The following ZNF384 variants were observed in gnomAD, a reference collection of about 807,000 sequenced individuals.
The protein encoded by ZNF384 is zinc finger protein 384, also known as CAG repeat protein 1.
ZNF384 carries 20 observed loss-of-function variants against 65.0 expected under a neutral mutation model. That is an observed-to-expected ratio of 0.31 (90% CI 0.22 to 0.45). The LOEUF (loss-of-function observed/expected upper bound fraction) is 0.45, where lower values mean the gene tolerates loss of function less well. Ranked by LOEUF, ZNF384 falls within the 20% of genes least tolerant of loss-of-function variation. The probability of loss-of-function intolerance (pLI) is 1.00; values close to 1 mark genes in which losing one functional copy is unlikely to be tolerated. For synonymous variants in ZNF384, 310 were observed against 303.9 expected, an observed-to-expected ratio of 1.02 and a Z score of -0.21; for missense variants, 549 against 769.4, an observed-to-expected ratio of 0.71 and a Z score of 3.39.
chr12:6,678,414 T>C lies in ZNF384; in HGVS notation c.399A>G (p.Thr133=), dbSNP rs766206128. The stretch of plus-strand genomic sequence containing the variant: ...TGGGGAAGGTCTGAGCTGATGATGC[T>C]GTGGTCACAAGAGAGCCTGAGGGGG... ...ITSPSGSLVT[T]ASSAQTFPIS... is the part of the protein sequence containing the mutation. Residue 133 remains threonine (T), a synonymous_variant, in exon 6 of 12, where the codon ACA becomes ACG. Coordinates refer to ENST00000683879, the MANE Select transcript of ZNF384 (RefSeq NM_001385745.1). The surrounding 1 kb of genome is among the most constrained non-coding windows in gnomAD (Gnocchi z 4.9). The C allele has an allele frequency of 6.2e-7, 1 of 1,606,658 alleles. No individual in the cohort carries two copies. Among genetic ancestry groups the C allele is most frequent in the South Asian group, 1.1e-5 (1 of 90,328 alleles).
chr12:6,669,853 G>C (rs1289930798), intron 10 of ZNF384, among the ~76,000 whole-genome samples: 1 of 152,056 alleles, frequency 6.6e-6, no homozygotes, highest in African/African-American at 2.4e-5. Flanking sequence ...TCTTGAACCT[G>C]GGAAGTTGCA....
chr12:6,666,813 TTA>T lies in ZNF384; in HGVS notation c.*899_*900del, dbSNP rs1412544409. The T allele has an allele frequency of 2.4e-4, 41 of 168,484 alleles. No homozygotes were observed. The highest frequency in any genetic ancestry group is 5.6e-4 in the East Asian group (5 of 8,888). The allele number at this position is 168,484 out of a possible 1,614,324, so 10.4% of individuals were successfully genotyped here. On this transcript the variant is annotated 3_prime_UTR_variant, in exon 12 of 12. Transcript: ENST00000683879. ...GCCGTGATGAGTGAGTATAATATATTTATATATATATATTTATATATAAATCC... is the reference window on the plus strand; with the variant it reads ...GCCGTGATGAGTGAGTATAATATATTTATATATATATTTATATATAAATCC...
chr12:6,667,940 TGC>T lies in ZNF384; in HGVS notation c.1599_1600del (p.Gln534AlafsTer44). ...CTGCTGCTGCTGCTGCTGCTGCTGCTGCTGCTGTGATGCCTGGGAGGCCTGGG... is the reference window on the plus strand; with the variant it reads ...CTGCTGCTGCTGCTGCTGCTGCTGCTTGCTGTGATGCCTGGGAGGCCTGGG... On this transcript the variant is annotated frameshift_variant, in exon 12 of 12. Transcript: ENST00000683879. LOFTEE classifies it high-confidence loss of function. 6.2e-7 allele frequency: 1 copy of T among 1,609,728 alleles called. No homozygotes were observed. The highest frequency in any genetic ancestry group is 8.5e-7 in the Non-Finnish European group (1 of 1,178,420).
chr12:6,678,543 T>A lies in ZNF384; in HGVS notation c.353-83A>T, dbSNP rs775477488. 1.0e-5 allele frequency: 16 copies of A among 1,533,152 alleles called. No homozygotes were observed. The highest frequency in any genetic ancestry group is 1.4e-5 in the Non-Finnish European group (16 of 1,121,096). The allele number at this position is 1,533,152 out of a possible 1,614,324, so 95.0% of individuals were successfully genotyped here. A position where few individuals can be genotyped will look rare whatever the true frequency, so the allele number is the denominator to read the frequency against. On this transcript the variant is annotated intron_variant, in intron 5 of 11. Transcript: ENST00000683879. This position sits in a 1 kb window ranked among gnomAD's most constrained non-coding sequence, Gnocchi z 4.9. ...ATTTCATTTCCCCCAGATCATTGTC[T>A]AATTAACCCCTCACCCCCCCGCCGA...
At chr12:6,689,569 G>A (rs188053808), upstream of ZNF384, 2 of 152,320 alleles carry the variant, frequency 1.3e-5, no homozygotes, top group Non-Finnish European at 2.9e-5. Flanking sequence ...TCACTTCCGG[G>A]AGTGGCTGGA....
At chr12:6,675,381 A>C (rs948315184) in intron 7 of ZNF384, among the ~76,000 whole-genome samples, 6 of 152,240 alleles carry the variant, frequency 3.9e-5, no homozygotes, top group African/African-American at 1.4e-4. Flanking sequence ...TAATTTGCCA[A>C]AGGGCAGTTA....
rs1236533949 is a variant in ZNF384, at chr12:6,678,167, C to T, written c.646G>A (p.Glu216Lys). The T allele has an allele frequency of 1.9e-6, 3 of 1,613,978 alleles. No homozygotes were observed. The highest frequency in any genetic ancestry group is 1.3e-5 in the African/African-American group (1 of 74,922). ...EMNDPYVLSP[E>K]DDDDHQKDGK... ...TCTTTCTGATGGTCATCATCATCCTCAGGGGAGAGGACATAAGGGTCATTC... is the reference window on the plus strand; with the variant it reads ...TCTTTCTGATGGTCATCATCATCCTTAGGGGAGAGGACATAAGGGTCATTC... The change falls in exon 6 of 12, where the codon GAG becomes AAG. Residue 216 changes from glutamate (E) to lysine (K), a missense_variant. By Grantham distance (56) the Glu-to-Lys change is moderately conservative. Transcript: ENST00000683879. The surrounding 1 kb of genome is among the most constrained non-coding windows in gnomAD (Gnocchi z 4.9).
chr12:6,686,493 A>T (rs1957955952), intron 2 of ZNF384, among the ~76,000 whole-genome samples: 1 of 152,184 alleles, frequency 6.6e-6, no homozygotes, highest in African/African-American at 2.4e-5. Flanking sequence ...ACCTCAGGTG[A>T]TCCGCTCTCC....
At chr12:6,680,224 C>T (rs551481981) in intron 2 of ZNF384, among the ~76,000 whole-genome samples, 1 of 152,314 alleles carries the variant, frequency 6.6e-6, no homozygotes, top group African/African-American at 2.4e-5. Context: ...CTTAGTCTCC[C>T]AAAGTGCTGG....
chr12:6,674,046 T>A (rs1033273396), intron 7 of ZNF384, among the ~76,000 whole-genome samples: 14 of 152,140 alleles, frequency 9.2e-5, no homozygotes, highest in Non-Finnish European at 1.5e-5. Flanking sequence ...TGATGTTGCA[T>A]CCATCATCTA....
intron 2 of ZNF384, among the ~76,000 whole-genome samples, chr12:6,683,322 AAAT>A (rs1369712561): frequency 1.3e-5 from 2 of 151,528 alleles, no homozygotes; most frequent in Non-Finnish European, 2.9e-5. Flanking sequence ...AAAAGATTAA[AAAT>A]AATAATTAGG....
rs755475520 is a variant in ZNF384 at position 6,678,197 on chromosome 12, C to G, written c.616G>C (p.Glu206Gln). Residue 206 changes from glutamate (E) to glutamine (Q), a missense_variant, in exon 6 of 12, where the codon GAG becomes CAG. Physicochemically the swap from Glu to Gln is conservative, Grantham distance 29. This residue lies in a region of ZNF384 where 277 missense variants were observed against 337.2 expected (regional missense o/e 0.82). Coordinates refer to ENST00000683879, the MANE Select transcript of ZNF384 (RefSeq NM_001385745.1). This position sits in a 1 kb window ranked among gnomAD's most constrained non-coding sequence, Gnocchi z 4.9. ...GAGAGGACATAAGGGTCATTCATCT[C>G]GGGCAGCCCTGATTCCAGCATCCGC... ...KKRMLESGLP[E>Q]MNDPYVLSPE... 1.2e-6 allele frequency: 2 copies of G among 1,614,014 alleles called. No homozygotes were observed. The highest frequency in any genetic ancestry group is 1.3e-5 in the African/African-American group (1 of 74,910).
Position 6,672,424 on chromosome 12 carries a change from C to T in ZNF384, c.1113G>A (p.Ser371=), listed in dbSNP as rs770720036. 14 of 1,613,946 alleles carry T rather than the reference C, an allele frequency of 8.7e-6. No homozygotes were observed. Among genetic ancestry groups the T allele is most frequent in the South Asian group, 6.6e-5 (6 of 91,074 alleles). Reference sequence around the variant, plus strand: ...AGGAACAGTTGTAGGGCTTGGCCCCCGAGTGGATACGGAGGTGCTGGGCCA... The same window carrying T: ...AGGAACAGTTGTAGGGCTTGGCCCCTGAGTGGATACGGAGGTGCTGGGCCA... The part of the protein sequence containing the change: ...SYLAQHLRIH[S]GAKPYNCSYC... The change falls in exon 9 of 12, where the codon TCG becomes TCA. Residue 371 remains serine, a synonymous_variant. Coordinates refer to ENST00000683879, the MANE Select transcript of ZNF384 (RefSeq NM_001385745.1). The surrounding 1 kb of genome is among the most constrained non-coding windows in gnomAD (Gnocchi z 4.4).
At chr12:6,682,926 A>G (rs548957695) in intron 2 of ZNF384, among the ~76,000 whole-genome samples, 2 of 152,364 alleles carry the variant, frequency 1.3e-5, no homozygotes, top group Admixed American at 1.3e-4. Flanking sequence ...ATCCCTGTCT[A>G]ACCTTCTAGT....
intron 10 of ZNF384, among the ~76,000 whole-genome samples, 161 bp downstream of exon 10, chr12:6,670,599 C>T (rs1028414463): frequency 6.6e-6 from 1 of 152,156 alleles, no homozygotes; most frequent in Non-Finnish European, 1.5e-5. Context: ...AGTTTTACAA[C>T]GTCTATGTAG....
At chr12:6,684,334 T>C (rs1172967516) in intron 2 of ZNF384, among the ~76,000 whole-genome samples, 1 of 147,828 alleles carries the variant, frequency 6.8e-6, no homozygotes, top group African/African-American at 2.7e-5. Context: ...AAATAAAATT[T>C]AGAATATTTC....
chr12:6,669,496 C>G (rs1238800233), intron 10 of ZNF384, among the ~76,000 whole-genome samples: 1 of 150,922 alleles, frequency 6.6e-6, no homozygotes, highest in African/African-American at 2.4e-5. Flanking sequence ...AGGGTCAAAA[C>G]TCTTTTTTTT....
rs1363145900 is a variant in ZNF384 at position 6,669,112 on chromosome 12, T to C, written c.1344A>G (p.Ser448=). 1.2e-6 allele frequency: 2 copies of C among 1,613,972 alleles called. No individual in the cohort carries two copies. Among genetic ancestry groups the C allele is most frequent in the Admixed American group, 3.3e-5 (2 of 60,002 alleles). Residue 448 remains serine, a synonymous_variant, in exon 11 of 12, where the codon TCA becomes TCG. Coordinates refer to ENST00000683879, the MANE Select transcript of ZNF384 (RefSeq NM_001385745.1). ...TGTGCGTAGACAGGTGCACCTCTAG[T>C]GAGGCTGCATCCGTGTACGCCCGAT... ...NCHRAYTDAA[S]LEVHLSTHTV... is the part of the protein sequence containing the mutation.
rs539898579 is a variant in ZNF384 at position 6,683,299 on chromosome 12, T to A, written c.-5-3774A>T. Among the ~76,000 whole-genome samples, 86 of 145,466 alleles carry A rather than the reference T, an allele frequency of 5.9e-4. 1 individual carries two copies. In the South Asian group the frequency reaches 6.9e-3, roughly 12 times the overall value. On this transcript the variant is annotated intron_variant, in intron 2 of 11. Transcript: ENST00000683879. ...GAGCAAGACTGTCTCAAAAAAAAAA[T>A]AAAATAAAATAAAAAAGATTAAAAA...
Sources: gnomAD v4.1 joint callset for allele counts (sites outside exome capture counted in the v4.1 genomes callset) on GRCh38, gnomAD v4.1.1 for gene constraint, gnomAD v4.1.1 regional missense constraint, Gnocchi (gnomAD v3.1) non-coding constraint, MANE v1.5 for transcripts, NCBI Gene and HGNC (gene_info 2026-07-23, HGNC 2026-07-21) for gene names.